The following RPA3 variants were observed in gnomAD, a reference collection of about 807,000 sequenced individuals.
The protein encoded by RPA3 is replication protein A3.
In RPA3, 24 loss-of-function variants were observed where a neutral mutation model predicts 13.7. That is an observed-to-expected ratio of 1.75 (90% CI 1.27 to 2.46). RPA3 has a LOEUF of 2.46. RPA3 is among the 30% of genes most tolerant of loss of function. The pLI, the probability that RPA3 is intolerant of heterozygous loss-of-function variation, is 0.00. For synonymous variants in RPA3, 59 were observed against 51.2 expected (o/e 1.15, Z -0.65); for missense variants, 183 against 151.0 (o/e 1.21, Z -1.11).
At chr7:7,663,191 A>AG in intron 4 of RPA3, among the ~76,000 whole-genome samples, 1 of 151,278 alleles carries the variant, frequency 6.6e-6, no homozygotes, top group Non-Finnish European at 1.5e-5. Context: ...TTAAAAAAAA[A>AG]AAGTCTGGTC....
At chr7:7,689,475 TC>T (rs1158983151) in intron 2 of RPA3, 1 of 152,162 alleles carries the variant, frequency 6.6e-6, no homozygotes, top group East Asian at 1.9e-4. Context: ...GATAATAAAT[TC>T]CCGCATTAAA....
chr7:7,643,820 A>G (rs1785034102), intron 4 of RPA3, among the ~76,000 whole-genome samples: 4 of 151,362 alleles, frequency 2.6e-5, no homozygotes, highest in Admixed American at 2.0e-4. Context: ...TAACAAGCAC[A>G]CCTTCCTTTC....
intron 4 of RPA3, among the ~76,000 whole-genome samples, chr7:7,644,140 G>A (rs1235637978): frequency 6.6e-6 from 1 of 152,112 alleles, no homozygotes; most frequent in East Asian, 1.9e-4. Context: ...TGGATATGAA[G>A]TGTTTTTTTG....
At chr7:7,681,907 C>G (rs1563117652) in intron 4 of RPA3, among the ~76,000 whole-genome samples, 1 of 151,646 alleles carries the variant, frequency 6.6e-6, no homozygotes, top group Non-Finnish European at 1.5e-5. Flanking sequence ...AAAACTAAGA[C>G]AAAAGCATGA....
At chr7:7,676,591 G>GT (rs1779746509) in intron 4 of RPA3, among the ~76,000 whole-genome samples, 1 of 152,054 alleles carries the variant, frequency 6.6e-6, no homozygotes, top group Non-Finnish European at 1.5e-5. Flanking sequence ...AGAAAGTGCT[G>GT]TTTTTTATTT....
intron 2 of RPA3, among the ~76,000 whole-genome samples, chr7:7,709,300 A>G (rs1234292931): frequency 1.3e-5 from 2 of 152,192 alleles, no homozygotes; most frequent in Non-Finnish European, 1.5e-5. Context: ...CTTTGTAAAT[A>G]TGAACATTAG....
intron 4 of RPA3, among the ~76,000 whole-genome samples, chr7:7,675,080 G>A (rs886871147): frequency 6.6e-6 from 1 of 151,990 alleles, no homozygotes; most frequent in Non-Finnish European, 1.5e-5. Context: ...GCCCAGGTTG[G>A]TCTTGAACTC....
chr7:7,667,998 C>T (rs28916010), intron 4 of RPA3, among the ~76,000 whole-genome samples: 8,878 of 151,908 alleles, frequency 0.058, 338 homozygotes, highest in Middle Eastern at 0.13. Context: ...CTCACTTTCA[C>T]CCCCGCCTTC....
chr7:7,687,671 A>T (rs1780072202), intron 2 of RPA3, among the ~76,000 whole-genome samples: 2 of 152,224 alleles, frequency 1.3e-5, no homozygotes, highest in South Asian at 4.1e-4. Context: ...TTGTCAGTTA[A>T]ATTTGAAAAG....
chr7:7,641,704 C>T (rs558455310), intron 4 of RPA3: 2 of 152,250 alleles, frequency 1.3e-5, no homozygotes, highest in African/African-American at 4.8e-5. Flanking sequence ...TACCTTCAAA[C>T]GGTACGGTGG....
intron 1 of RPA3, among the ~76,000 whole-genome samples, chr7:7,717,979 G>A (rs112609604): frequency 6.6e-6 from 1 of 152,310 alleles, no homozygotes; most frequent in African/African-American, 2.4e-5. Context: ...GTTTGTCATA[G>A]TTGTGTAGCT....
intron 1 of RPA3, among the ~76,000 whole-genome samples, chr7:7,717,450 GGT>G (rs1178500023): frequency 5.9e-5 from 9 of 152,058 alleles, no homozygotes; most frequent in African/African-American, 2.2e-4. Flanking sequence ...GATAACCTCA[GGT>G]ATTTACCTCA....
intron 4 of RPA3, among the ~76,000 whole-genome samples, chr7:7,655,063 A>G (rs1785309599): frequency 6.6e-6 from 1 of 152,156 alleles, no homozygotes; most frequent in African/African-American, 2.4e-5. Flanking sequence ...TTGCTATGCT[A>G]GCAGGATTTA....
At chr7:7,703,329 T>A (rs1344784669) in intron 2 of RPA3, among the ~76,000 whole-genome samples, 1 of 152,216 alleles carries the variant, frequency 6.6e-6, no homozygotes, top group Non-Finnish European at 1.5e-5. Flanking sequence ...TTTAAATTGA[T>A]CTTTTATCAA....
chr7:7,701,898 C>T (rs966447990), intron 2 of RPA3, among the ~76,000 whole-genome samples: 3 of 152,146 alleles, frequency 2.0e-5, no homozygotes, highest in African/African-American at 7.2e-5. Flanking sequence ...TCACTGCAAC[C>T]ATTTCTGCCA....
At chr7:7,684,739 A>G (rs572646959) in intron 4 of RPA3, among the ~76,000 whole-genome samples, 1 of 152,332 alleles carries the variant, frequency 6.6e-6, no homozygotes, top group African/African-American at 2.4e-5. Context: ...TTTATGTGAA[A>G]TTATTTGACA....
intron 4 of RPA3, among the ~76,000 whole-genome samples, chr7:7,677,677 T>G (rs1487878646): frequency 1.1e-4 from 15 of 138,096 alleles, no homozygotes; most frequent in Non-Finnish European, 2.3e-4. Context: ...TTTTTTTTTT[T>G]TTTTTTTTTT....
At chr7:7,649,538 C>T (rs1322591057) in intron 4 of RPA3, among the ~76,000 whole-genome samples, 5 of 152,166 alleles carry the variant, frequency 3.3e-5, no homozygotes, top group Non-Finnish European at 5.9e-5. Flanking sequence ...TTAATTTCCA[C>T]GTCAGTTTTT....
In RPA3 at chr7:7,637,025, G is replaced by T; in HGVS notation, c.341C>A (p.Pro114His). 1 of 1,611,876 alleles carries T rather than the reference G, an allele frequency of 6.2e-7. No homozygotes were observed. The highest frequency in any genetic ancestry group is 1.3e-5 in the African/African-American group (1 of 74,978). ...KIIHDFPQFY[P>H]LGIVQHD Reference sequence around the variant, plus strand: ...TCAATCATGTTGCACAATCCCTAAAGGATAAAACTGAGGGAAGTCATGGAT... The same window carrying T: ...TCAATCATGTTGCACAATCCCTAAATGATAAAACTGAGGGAAGTCATGGAT... The change falls in exon 8 of 8, where the codon CCT becomes CAT. Residue 114 changes from proline to histidine, a missense_variant. Physicochemically the swap from Pro to His is moderately conservative, Grantham distance 77. Coordinates refer to ENST00000223129, the MANE Select transcript of RPA3 (RefSeq NM_002947.5).
Sources: gnomAD v4.1 joint callset for allele counts (sites outside exome capture counted in the v4.1 genomes callset) on GRCh38, gnomAD v4.1.1 for gene constraint, MANE v1.5 for transcripts, NCBI Gene and HGNC (gene_info 2026-07-23, HGNC 2026-07-21) for gene names.